TMEM200A: variants seen among roughly 807,000 people sequenced by gnomAD.
TMEM200A encodes the protein transmembrane protein 200A.
A neutral mutation model predicts 24.3 loss-of-function variants in TMEM200A; 12 were observed. The ratio of observed to expected loss-of-function variants is 0.49; its 90% CI spans 0.32 to 0.80. The LOEUF (loss-of-function observed/expected upper bound fraction) is 0.80. Among genes scored for constraint, TMEM200A ranks in the 30% least tolerant of loss-of-function variants. The pLI is 0.04. For missense variants in TMEM200A, 545 were observed against 614.4 expected, an observed-to-expected ratio of 0.89 and a Z score of 1.19; for synonymous variants, 224 against 224.4, an observed-to-expected ratio of 1.00 and a Z score of 0.02.
In TMEM200A at chr6:130,366,462, G is replaced by A. The variant is rs1778148816; in HGVS notation, c.-143G>A. 2.3e-5 allele frequency: 23 copies of A among 985,700 alleles called. No individual in the cohort carries two copies. The highest frequency in any genetic ancestry group is 2.5e-5 in the Non-Finnish European group (21 of 830,208). 61.1% of individuals were successfully genotyped at this position (985,700 alleles called of 1,614,324 possible). On this transcript the variant is annotated 5_prime_UTR_variant, in exon 1 of 3. It adds an upstream start codon to the 5' untranslated region. Transcript: ENST00000296978. This position sits in a 1 kb window ranked among gnomAD's most constrained non-coding sequence, Gnocchi z 4.4. ...GCCCGACGTCCCGACAGCTCCTGGA[G>A]TGAGACCAGGACTGAGAACAGGGAG...
intron 2 of TMEM200A, among the ~76,000 whole-genome samples, chr6:130,395,989 G>T (rs1224871266): frequency 6.6e-6 from 1 of 152,284 alleles, no homozygotes; most frequent in African/African-American, 2.4e-5. Flanking sequence ...TATGAAAATA[G>T]TGAAAAGGGA....
intron 2 of TMEM200A, among the ~76,000 whole-genome samples, chr6:130,407,061 T>C (rs1562561732): frequency 1.3e-5 from 2 of 152,168 alleles, no homozygotes; most frequent in African/African-American, 4.8e-5. Context: ...CCTTTTATTT[T>C]CATACGGGGA....
intron 1 of TMEM200A, among the ~76,000 whole-genome samples, chr6:130,375,430 T>C (rs777559775): frequency 1.3e-5 from 2 of 152,244 alleles, no homozygotes; most frequent in Non-Finnish European, 2.9e-5. Context: ...ATTCATTAAA[T>C]ATTTGTGCTG....
intron 2 of TMEM200A, among the ~76,000 whole-genome samples, chr6:130,407,244 T>C (rs1779226998): frequency 2.0e-5 from 3 of 152,222 alleles, no homozygotes; most frequent in Non-Finnish European, 4.4e-5. Context: ...TGAAATACAG[T>C]GACAGAAGCA....
chr6:130,442,999 G>A lies in TMEM200A; in HGVS notation c.*1101G>A, dbSNP rs889191692. 1 of 166,812 alleles carries A rather than the reference G, an allele frequency of 6.0e-6. No homozygotes were observed. Among genetic ancestry groups the A allele is most frequent in the Non-Finnish European group, 1.5e-5 (1 of 68,070 alleles). The allele number at this position is 166,812 out of a possible 1,614,324, so 10.3% of individuals were successfully genotyped here. On this transcript the variant is annotated 3_prime_UTR_variant, in exon 3 of 3. Transcript: ENST00000296978. ...AAGACTTTCTTACGGTATAATACAT[G>A]TTGTTTAGGATTGTGTTTCTTAGTC... is the stretch of plus-strand genomic sequence containing the variant.
chr6:130,410,564 T>C (rs1779307477), intron 2 of TMEM200A, among the ~76,000 whole-genome samples: 1 of 152,204 alleles, frequency 6.6e-6, no homozygotes, highest in South Asian at 2.1e-4. Flanking sequence ...AAAGATTTCA[T>C]ATGGTATCAT....
At chr6:130,421,794 T>C (rs1331086677) in intron 2 of TMEM200A, among the ~76,000 whole-genome samples, 2 of 152,172 alleles carry the variant, frequency 1.3e-5, no homozygotes, top group Non-Finnish European at 2.9e-5. Flanking sequence ...GTATTTTTCT[T>C]TTTGTCTGGC....
chr6:130,393,894 G>A (rs1778892179), intron 2 of TMEM200A, among the ~76,000 whole-genome samples: 1 of 152,014 alleles, frequency 6.6e-6, no homozygotes, highest in Admixed American at 6.5e-5. Flanking sequence ...CTCTAACCAT[G>A]GTTTATTTAT....
chr6:130,366,609 C>T lies in TMEM200A; in HGVS notation c.-81+85C>T, dbSNP rs1778156328. 1.0e-6 allele frequency: 1 copy of T among 972,718 alleles called. No individual in the cohort carries two copies. The highest frequency in any genetic ancestry group is 1.2e-6 in the Non-Finnish European group (1 of 818,398). The allele number at this position is 972,718 out of a possible 1,614,324, so 60.3% of individuals were successfully genotyped here. Reference sequence around the variant, plus strand: ...CGAAACCGGGCACTTCTTCAGCCCTCTGCCCTCCCCTCCCCTCCGCTACAG... The same window carrying T: ...CGAAACCGGGCACTTCTTCAGCCCTTTGCCCTCCCCTCCCCTCCGCTACAG... On this transcript the variant is annotated intron_variant, in intron 1 of 2. Transcript: ENST00000296978. The surrounding 1 kb of genome is among the most constrained non-coding windows in gnomAD (Gnocchi z 4.4).
intron 2 of TMEM200A, among the ~76,000 whole-genome samples, chr6:130,399,067 A>G (rs562887109): frequency 2.6e-5 from 4 of 151,974 alleles, no homozygotes; most frequent in Non-Finnish European, 5.9e-5. Context: ...TTATGCAGGT[A>G]TTGTTAATGG....
intron 2 of TMEM200A, among the ~76,000 whole-genome samples, chr6:130,423,757 T>C (rs1779659390): frequency 6.6e-6 from 1 of 152,086 alleles, no homozygotes; most frequent in African/African-American, 2.4e-5. Context: ...CTCCAAATAA[T>C]AAGATACATA....
chr6:130,398,804 C>A (rs1779015596), intron 2 of TMEM200A, among the ~76,000 whole-genome samples: 1 of 151,808 alleles, frequency 6.6e-6, no homozygotes, highest in African/African-American at 2.4e-5. Flanking sequence ...GAACTGTCAC[C>A]ATCTAATGAT....
rs145944902 is a variant in TMEM200A at position 130,441,048 on chromosome 6, C to A, written c.626C>A (p.Thr209Lys). The change falls in exon 3 of 3, where the codon ACG becomes AAG. Residue 209 changes from threonine (T) to lysine (K), a missense_variant. By Grantham distance (78) the Thr-to-Lys change is moderately conservative (BLOSUM62 -1). Coordinates refer to ENST00000296978, the MANE Select transcript of TMEM200A (RefSeq NM_001258277.2). ...SSCASRLAAN[T>K]IASFSGFRSS... ...TGTGCCTCGAGATTGGCAGCAAATA[C>A]GATCGCCTCTTTCTCGGGTTTTCGG... The A allele has an allele frequency of 6.2e-7, 1 of 1,613,886 alleles. No individual in the cohort carries two copies. The highest frequency in any genetic ancestry group is 1.1e-5 in the South Asian group (1 of 91,048).
intron 2 of TMEM200A, among the ~76,000 whole-genome samples, chr6:130,432,212 C>T (rs746169715): frequency 6.6e-6 from 1 of 152,196 alleles, no homozygotes; most frequent in African/African-American, 2.4e-5. Flanking sequence ...CCAATGGAAA[C>T]AGAATAGTGC....
At chr6:130,422,161 C>T (rs781145287) in intron 2 of TMEM200A, among the ~76,000 whole-genome samples, 1 of 152,148 alleles carries the variant, frequency 6.6e-6, no homozygotes, top group Non-Finnish European at 1.5e-5. Context: ...TACTAATGTA[C>T]ATCCCTACAG....
rs575270193 is a variant in TMEM200A at position 130,441,663 on chromosome 6, G to A, written c.1241G>A (p.Arg414Gln). The change falls in exon 3 of 3, where the codon CGG (arginine) becomes CAG (glutamine). Residue 414 changes from arginine to glutamine, a missense_variant. By Grantham distance (43) the Arg-to-Gln change is conservative (BLOSUM62 1). Coordinates refer to ENST00000296978, the MANE Select transcript of TMEM200A (RefSeq NM_001258277.2). Reference sequence around the variant, plus strand: ...ACTCTAACTGTTCAGGCAGAACAACGGAAACATCCAAGTTGGCCTAGGTTG... The same window carrying A: ...ACTCTAACTGTTCAGGCAGAACAACAGAAACATCCAAGTTGGCCTAGGTTG... Reference protein sequence around the residue: ...PSTLTVQAEQRKHPSWPRLDR... With the variant: ...PSTLTVQAEQQKHPSWPRLDR... 1.1e-5 allele frequency: 17 copies of A among 1,613,934 alleles called. No individual in the cohort carries two copies. The highest frequency in any genetic ancestry group is 5.3e-5 in the African/African-American group (4 of 74,916).
At chr6:130,372,991 A>C (rs1034368376) in intron 1 of TMEM200A, among the ~76,000 whole-genome samples, 2 of 152,226 alleles carry the variant, frequency 1.3e-5, no homozygotes, top group African/African-American at 4.8e-5. Flanking sequence ...GCAATGGTGA[A>C]TAGGAGTAGG....
rs374377658 is a variant in TMEM200A, at chr6:130,369,283, G to A, written c.-81+2759G>A. ...TAGAGCAGAAAGGTGATGAAGCTGG[G>A]ACTAATACTGCAAAGCACATCTGCA... On this transcript the variant is annotated intron_variant, in intron 1 of 2. Transcript: ENST00000296978. 6.6e-5 allele frequency among the ~76,000 whole-genome samples: 10 copies of A among 152,270 alleles called. No homozygotes were observed. In the South Asian group the frequency reaches 1.0e-3, roughly 16 times the overall value.
intron 1 of TMEM200A, among the ~76,000 whole-genome samples, chr6:130,376,414 C>A (rs1042918729): frequency 1.3e-5 from 2 of 152,088 alleles, no homozygotes; most frequent in African/African-American, 4.8e-5. Context: ...TCCCAAGTAG[C>A]TGGAACTACA....
Sources: gnomAD v4.1 joint callset for allele counts (sites outside exome capture counted in the v4.1 genomes callset) on GRCh38, gnomAD v4.1.1 for gene constraint, Gnocchi (gnomAD v3.1) non-coding constraint, MANE v1.5 for transcripts, NCBI Gene and HGNC (gene_info 2026-07-23, HGNC 2026-07-21) for gene names.